The following CEMIP variants were observed in gnomAD, a reference collection of about 807,000 sequenced individuals.
CEMIP encodes the protein cell migration-inducing and hyaluronan-binding protein.
CEMIP carries 105 observed loss-of-function variants against 156.9 expected under a neutral mutation model. The observed-to-expected ratio is 0.67, with a 90% confidence interval of 0.57 to 0.79. The LOEUF is 0.79. Ranked by LOEUF, CEMIP falls within the 30% of genes least tolerant of loss-of-function variation. The pLI, the probability that CEMIP is intolerant of heterozygous loss-of-function variation, is 0.00. For missense variants in CEMIP, 1,457 were observed against 1,769.4 expected (o/e 0.82, Z 3.17); for synonymous variants, 676 against 668.4 (o/e 1.01, Z -0.17).
At chr15:80,888,633 C>T (rs1898930748) in intron 8 of CEMIP, 68 bp from the exon 9 acceptor site, 3 of 1,354,678 alleles carry the variant, frequency 2.2e-6, no homozygotes, top group Admixed American at 3.4e-5. Context: ...GGTTTCCTTG[C>T]CTTGGAGTCA....
In CEMIP at chr15:80,933,348, C is replaced by G. The variant is rs1900997871; in HGVS notation, c.2897C>G (p.Ser966Cys). Residue 966 changes from serine to cysteine, a missense_variant, in exon 23 of 30, where the codon TCC becomes TGC. Transcript: ENST00000394685. Reference protein sequence around the residue: ...SVFHDVDGSVSEYPGSYLTKN... With the variant: ...SVFHDVDGSVCEYPGSYLTKN... Reference sequence around the variant, plus strand: ...TTCCATGACGTCGACGGCTCCGTGTCCGAGTACCCTGGCTCCTACCTCACG... The same window carrying G: ...TTCCATGACGTCGACGGCTCCGTGTGCGAGTACCCTGGCTCCTACCTCACG... The G allele has an allele frequency of 6.2e-7, 1 of 1,614,036 alleles. No individual in the cohort carries two copies. Among genetic ancestry groups the G allele is most frequent in the Non-Finnish European group, 8.5e-7 (1 of 1,180,034 alleles).
intron 4 of CEMIP, 78 bp downstream of exon 4, chr15:80,878,945 A>G (rs1898556704): frequency 6.4e-7 from 1 of 1,551,738 alleles, no homozygotes; most frequent in South Asian, 1.1e-5. Flanking sequence ...GGTTGCCATG[A>G]GCTCAGATGG....
intron 11 of CEMIP, 48 bp from the exon 12 acceptor site, chr15:80,895,821 G>T: frequency 6.3e-7 from 1 of 1,592,984 alleles, no homozygotes; most frequent in Non-Finnish European, 8.6e-7. Flanking sequence ...CCAAAAGTTT[G>T]CCAAGAGCAA....
At chr15:80,829,271 A>C (rs1897103882) in intron 1 of CEMIP, among the ~76,000 whole-genome samples, 1 of 151,322 alleles carries the variant, frequency 6.6e-6, no homozygotes, top group Non-Finnish European at 1.5e-5. Context: ...CTTCCCTCCC[A>C]CTCCTTCCGT....
At position 80,879,872 on chromosome 15, in the gene CEMIP, A is replaced by G. The variant is rs767180914; in HGVS notation, c.380+18A>G. 1.5e-5 allele frequency: 24 copies of G among 1,613,834 alleles called. No homozygotes were observed. Among genetic ancestry groups the G allele is most frequent in the Non-Finnish European group, 2.0e-5 (24 of 1,179,936 alleles). On this transcript the variant is annotated intron_variant, in intron 5 of 29. Coordinates refer to ENST00000394685, the MANE Select transcript of CEMIP (RefSeq NM_001293298.2). ...TATGGAAGGTGCGTAGACCACTCCTACAGATCAAATGCTACCCATGGATCT... is the reference window on the plus strand; with the variant it reads ...TATGGAAGGTGCGTAGACCACTCCTGCAGATCAAATGCTACCCATGGATCT...
intron 1 of CEMIP, among the ~76,000 whole-genome samples, chr15:80,804,987 C>T (rs1567053392): frequency 2.0e-5 from 3 of 152,138 alleles, no homozygotes; most frequent in East Asian, 1.9e-4. Flanking sequence ...CATGGCTGCA[C>T]GGAGAACTAC....
rs745548525 is a variant in CEMIP at position 80,941,926 on chromosome 15, T to C, written c.3485T>C (p.Ile1162Thr). ...TGCTCCATGAAAGGCTGTGAGAGGA[T>C]AAAGATTAAAGCTCTGATTCCAAAG... ...AFCSMKGCERIKIKALIPKNA... is the reference protein window; with the variant it reads ...AFCSMKGCERTKIKALIPKNA... Residue 1162 changes from isoleucine to threonine, a missense_variant, in exon 26 of 30, where the codon ATA becomes ACA. Physicochemically the swap from Ile to Thr is moderately conservative, Grantham distance 89 (BLOSUM62 -1). Coordinates refer to ENST00000394685, the MANE Select transcript of CEMIP (RefSeq NM_001293298.2). The C allele has an allele frequency of 5.6e-6, 9 of 1,613,878 alleles. No individual in the cohort carries two copies. The highest frequency in any genetic ancestry group is 6.8e-6 in the Non-Finnish European group (8 of 1,180,004).
intron 5 of CEMIP, 72 bp downstream of exon 5, chr15:80,879,926 A>G: frequency 6.4e-7 from 1 of 1,569,162 alleles, no homozygotes; most frequent in Non-Finnish European, 8.7e-7. Context: ...CAAGACAGAG[A>G]GAGAGGCAAG....
chr15:80,927,470 T>C (rs183937318), intron 19 of CEMIP, among the ~76,000 whole-genome samples: 22 of 152,312 alleles, frequency 1.4e-4, no homozygotes, highest in East Asian at 3.9e-4. Context: ...CCGAAATTCT[T>C]TGCAATATCC....
In CEMIP at chr15:80,880,968, C is replaced by T. The variant is rs751790405; in HGVS notation, c.449C>T (p.Ala150Val). 5 of 1,614,198 alleles carry T rather than the reference C, an allele frequency of 3.1e-6. No individual in the cohort carries two copies. Among genetic ancestry groups the T allele is most frequent in the Admixed American group, 1.7e-5 (1 of 60,028 alleles). The stretch of plus-strand genomic sequence containing the variant: ...TACATTGGGGTTGGTAAAGGAGGCG[C>T]TCTTGAGTTGCATGGACAGAAAAAG... ...LKYIGVGKGG[A>V]LELHGQKKLS... Residue 150 changes from alanine to valine, a missense_variant, in exon 6 of 30, where the codon GCT becomes GTT. This residue lies in a region of CEMIP where 309 missense variants were observed against 340.8 expected (regional missense o/e 0.91). Coordinates refer to ENST00000394685, the MANE Select transcript of CEMIP (RefSeq NM_001293298.2).
At chr15:80,914,558 A>G (rs1900192528) in intron 14 of CEMIP, among the ~76,000 whole-genome samples, 1 of 152,120 alleles carries the variant, frequency 6.6e-6, no homozygotes, top group South Asian at 2.1e-4. Flanking sequence ...CTGGCATTCT[A>G]TGAAAGATGG....
At position 80,832,322 on chromosome 15, in the gene CEMIP, CTGTGTG is replaced by C. The variant is rs58855328; in HGVS notation, c.-175-41182_-175-41177del. On this transcript the variant is annotated intron_variant, in intron 1 of 29. Coordinates refer to ENST00000394685, the MANE Select transcript of CEMIP (RefSeq NM_001293298.2). The stretch of plus-strand genomic sequence containing the variant: ...CTGGAGCTTTGGTTTAAAATAAACT[CTGTGTG>C]TGTGTGTGTGTGTGTGTGTGTGTGT... 5.2e-3 allele frequency among the ~76,000 whole-genome samples: 666 copies of C among 128,100 alleles called. 6 individuals are homozygous for C. Among genetic ancestry groups the C allele is most frequent in the African/African-American group, 0.016 (539 of 33,542 alleles). The allele number at this position is 128,100 out of a possible 152,430, so 84.0% of individuals were successfully genotyped here.
intron 1 of CEMIP, among the ~76,000 whole-genome samples, chr15:80,822,043 G>A (rs2141655686): frequency 6.6e-6 from 1 of 152,348 alleles, no homozygotes; most frequent in South Asian, 2.1e-4. Flanking sequence ...ATCCTCAAGT[G>A]GAGAATAACT....
Position 80,932,036 on chromosome 15 carries a change from T to TC in CEMIP, c.2792dup (p.Ile932AspfsTer23). The stretch of plus-strand genomic sequence containing the variant: ...TGACCGGCATTGCCTTTGAGGACGT[T>TC]CCGGTGAGTGAGGCGCCAGGGCAGA... On this transcript the variant is annotated frameshift_variant, in exon 22 of 30. Transcript: ENST00000394685. LOFTEE classifies it high-confidence loss of function. This position sits in a 1 kb window ranked among gnomAD's most constrained non-coding sequence, Gnocchi z 4.5. The TC allele has an allele frequency of 6.2e-7, 1 of 1,613,358 alleles. No homozygotes were observed. The highest frequency in any genetic ancestry group is 8.5e-7 in the Non-Finnish European group (1 of 1,180,028).
rs2273886 is a variant in CEMIP, at chr15:80,779,375, T to A, written c.-415T>A. Reference sequence around the variant, plus strand: ...GCCTCTCGGCTGAGGGCCGGGGAGCTAGCGCTCAAGCAGAGCCCAGCGCGG... The same window carrying A: ...GCCTCTCGGCTGAGGGCCGGGGAGCAAGCGCTCAAGCAGAGCCCAGCGCGG... On this transcript the variant is annotated 5_prime_UTR_variant, in exon 1 of 30. Coordinates refer to ENST00000394685, the MANE Select transcript of CEMIP (RefSeq NM_001293298.2). 19,505 of 152,256 alleles carry A rather than the reference T, an allele frequency of 0.13. 1,372 individuals carry two copies. Among genetic ancestry groups the A allele is most frequent in the East Asian group, 0.3 (1,544 of 5,136 alleles). The allele number at this position is 152,256 out of a possible 1,614,324, so 9.4% of individuals were successfully genotyped here.
At chr15:80,900,764 T>A in intron 12 of CEMIP, 1 of 343,216 alleles carries the variant, frequency 2.9e-6, no homozygotes, top group Non-Finnish European at 5.7e-6. Flanking sequence ...TGGCTCTCCA[T>A]CTCCCTGTTG....
At chr15:80,894,241 G>A (rs1899133424) in intron 10 of CEMIP, among the ~76,000 whole-genome samples, 1 of 152,228 alleles carries the variant, frequency 6.6e-6, no homozygotes, top group Non-Finnish European at 1.5e-5. Context: ...CTTAGGGCAA[G>A]AGTGGATGGG....
rs1900810074 is a variant in CEMIP at position 80,929,178 on chromosome 15, G to A, written c.2612+4G>A. On this transcript the variant is annotated splice_donor_region_variant and intron_variant, in intron 21 of 29. Coordinates refer to ENST00000394685, the MANE Select transcript of CEMIP (RefSeq NM_001293298.2). ...GAAGGACCCTCCCTATAGGCCAGTA[G>A]GTTTGCAACCATGTAGCTCCTTATT... 1.2e-6 allele frequency: 2 copies of A among 1,614,214 alleles called. No individual in the cohort carries two copies. Among genetic ancestry groups the A allele is most frequent in the South Asian group, 2.2e-5 (2 of 91,080 alleles).
chr15:80,900,650 CTGTGTGTGTGTCTGTGTG>C (rs1899479614), intron 12 of CEMIP, among the ~76,000 whole-genome samples: 2 of 84,578 alleles, frequency 2.4e-5, no homozygotes, highest in Non-Finnish European at 5.1e-5. Flanking sequence ...GTGTGTGTGT[CTGTGTGTGTGTCTGTGTG>C]TGTGTGTGTA....
Sources: gnomAD v4.1 joint callset for allele counts (sites outside exome capture counted in the v4.1 genomes callset) on GRCh38, gnomAD v4.1.1 for gene constraint, gnomAD v4.1.1 regional missense constraint, Gnocchi (gnomAD v3.1) non-coding constraint, MANE v1.5 for transcripts, NCBI Gene and HGNC (gene_info 2026-07-23, HGNC 2026-07-21) for gene names.